STX8: variants seen among roughly 807,000 people sequenced by gnomAD.
STX8 encodes the protein syntaxin 8.
A neutral mutation model predicts 37.5 loss-of-function variants in STX8; 23 were observed. The observed-to-expected ratio is 0.61, with a 90% CI of 0.44 to 0.87. The LOEUF is 0.87. Ranked by LOEUF, STX8 falls within the 40% of genes least tolerant of loss-of-function variation. STX8 has a pLI of 0.00. For synonymous variants in STX8, 115 were observed against 99.1 expected (o/e 1.16, Z -0.95); for missense variants, 313 against 284.7 (o/e 1.10, Z -0.71).
At chr17:9,254,062 G>C (rs894154592) in intron 7 of STX8, among the ~76,000 whole-genome samples, 2 of 152,128 alleles carry the variant, frequency 1.3e-5, no homozygotes, top group African/African-American at 2.4e-5. Flanking sequence ...AAGGAGATCA[G>C]GTCACCTCCT....
At chr17:9,405,496 C>T (rs572018330) in intron 6 of STX8, among the ~76,000 whole-genome samples, 9 of 152,210 alleles carry the variant, frequency 5.9e-5, no homozygotes, top group Admixed American at 2.0e-4. Context: ...TCTTGTACAA[C>T]GAAAAGATGA....
chr17:9,478,761 C>T (rs1021291814), intron 6 of STX8, among the ~76,000 whole-genome samples: 18 of 152,080 alleles, frequency 1.2e-4, no homozygotes, highest in Non-Finnish European at 1.2e-4. Flanking sequence ...AATATAAAGC[C>T]TTTTGATTTC....
At chr17:9,262,445 C>T (rs1256194515) in intron 7 of STX8, among the ~76,000 whole-genome samples, 1 of 152,220 alleles carries the variant, frequency 6.6e-6, no homozygotes, top group African/African-American at 2.4e-5. Context: ...CAGGCCCTGC[C>T]TTTGCTCAGA....
chr17:9,575,015 G>A (rs1423845858), intron 1 of STX8, among the ~76,000 whole-genome samples: 1 of 152,136 alleles, frequency 6.6e-6, no homozygotes, highest in Admixed American at 6.5e-5. Context: ...CAACAAGAAC[G>A]TTATAGAGCT....
At chr17:9,460,137 A>G (rs1233424607) in intron 6 of STX8, among the ~76,000 whole-genome samples, 1 of 152,192 alleles carries the variant, frequency 6.6e-6, no homozygotes, top group Non-Finnish European at 1.5e-5. Context: ...GCAGTTGAGT[A>G]TACATCTTTG....
intron 2 of STX8, among the ~76,000 whole-genome samples, chr17:9,566,051 G>C (rs1907447803): frequency 6.6e-6 from 1 of 152,148 alleles, no homozygotes; most frequent in Non-Finnish European, 1.5e-5. Context: ...ATATTTGCAA[G>C]CTATCCATCT....
At chr17:9,562,098 T>G (rs1907256194) in intron 2 of STX8, among the ~76,000 whole-genome samples, 1 of 71,500 alleles carries the variant, frequency 1.4e-5, no homozygotes, top group African/African-American at 3.7e-5. Flanking sequence ...ACAGCCAACT[T>G]CATTTAAAAA....
intron 4 of STX8, among the ~76,000 whole-genome samples, chr17:9,517,942 CAT>C (rs1905202835): frequency 1.3e-5 from 2 of 151,974 alleles, no homozygotes; most frequent in African/African-American, 4.8e-5. Context: ...ACCACATAAA[CAT>C]GTGTGATGTA....
chr17:9,339,901 G>C (rs1910282854), intron 7 of STX8, among the ~76,000 whole-genome samples: 1 of 152,186 alleles, frequency 6.6e-6, no homozygotes, highest in South Asian at 2.1e-4. Flanking sequence ...CTTTAAGTTG[G>C]TCATTTAGGA....
intron 4 of STX8, among the ~76,000 whole-genome samples, chr17:9,529,898 T>C (rs1168765218): frequency 1.3e-5 from 2 of 152,126 alleles, no homozygotes; most frequent in African/African-American, 4.8e-5. Flanking sequence ...GAGAATCGCG[T>C]GAGCCCAGGA....
At chr17:9,278,844 G>A (rs1313846238) in intron 7 of STX8, among the ~76,000 whole-genome samples, 1 of 151,924 alleles carries the variant, frequency 6.6e-6, no homozygotes, top group Non-Finnish European at 1.5e-5. Context: ...TAAGACTTGG[G>A]CCCAGAGCTG....
chr17:9,355,287 C>G (rs1245135319), intron 7 of STX8, among the ~76,000 whole-genome samples: 1 of 147,396 alleles, frequency 6.8e-6, no homozygotes, highest in Admixed American at 6.8e-5. Flanking sequence ...GATGGATCCT[C>G]TAATTTTGAT....
At chr17:9,278,603 G>A (rs984977681) in intron 7 of STX8, among the ~76,000 whole-genome samples, 1 of 152,180 alleles carries the variant, frequency 6.6e-6, no homozygotes, top group African/African-American at 2.4e-5. Flanking sequence ...GAAAACTAGG[G>A]GTAGGTGGCG....
chr17:9,293,624 A>ATAGAATAC (rs1383383003), intron 7 of STX8, among the ~76,000 whole-genome samples: 1 of 152,222 alleles, frequency 6.6e-6, no homozygotes, highest in Admixed American at 6.5e-5. Flanking sequence ...TACCATAAAA[A>ATAGAATAC]TAGAATACTG....
chr17:9,515,171 T>G (rs73973797), intron 4 of STX8, among the ~76,000 whole-genome samples: 5,347 of 152,324 alleles, frequency 0.035, 295 homozygotes, highest in African/African-American at 0.12. Flanking sequence ...AACTGTCTAA[T>G]GTCGTACTTG....
intron 5 of STX8, among the ~76,000 whole-genome samples, chr17:9,503,785 T>C (rs1904714066): frequency 6.6e-6 from 1 of 152,214 alleles, no homozygotes; most frequent in African/African-American, 2.4e-5. Flanking sequence ...TCCTTTGAGA[T>C]GGAGTCTCAC....
intron 6 of STX8, among the ~76,000 whole-genome samples, chr17:9,475,574 T>TG (rs1487903361): frequency 6.6e-6 from 1 of 152,100 alleles, no homozygotes; most frequent in African/African-American, 2.4e-5. Flanking sequence ...CAGCCTTCTC[T>TG]GGAGAGGAAA....
intron 6 of STX8, among the ~76,000 whole-genome samples, chr17:9,486,371 G>A (rs1180789715): frequency 1.3e-5 from 2 of 152,178 alleles, no homozygotes; most frequent in East Asian, 1.9e-4. Context: ...GGATATTTGA[G>A]CATCAAAAGA....
At chr17:9,354,387 T>G (rs987807810) in intron 7 of STX8, among the ~76,000 whole-genome samples, 1 of 146,064 alleles carries the variant, frequency 6.8e-6, no homozygotes, top group African/African-American at 2.6e-5. Flanking sequence ...GGTGGTGAGA[T>G]CTCGGCTCAC....
Sources: gnomAD v4.1 joint callset for allele counts (sites outside exome capture counted in the v4.1 genomes callset) on GRCh38, gnomAD v4.1.1 for gene constraint, MANE v1.5 for transcripts, NCBI Gene and HGNC (gene_info 2026-07-23, HGNC 2026-07-21) for gene names.